The following SLC22A23 variants were observed in gnomAD, a reference collection of about 807,000 sequenced individuals.
SLC22A23 encodes ion transporter protein.
In SLC22A23, 26 loss-of-function variants were observed where a neutral mutation model predicts 61.0. The observed-to-expected ratio is 0.43, with a 90% CI of 0.31 to 0.59. The LOEUF (loss-of-function observed/expected upper bound fraction) is 0.59, where lower values mean the gene tolerates loss of function less well. SLC22A23 is among the 20% of genes least tolerant of loss of function. The probability of loss-of-function intolerance (pLI) is 0.11; values close to 1 mark genes in which losing one functional copy is unlikely to be tolerated. For missense variants in SLC22A23, 796 were observed against 934.7 expected, an observed-to-expected ratio of 0.85 and a Z score of 1.94; for synonymous variants, 430 against 413.9, an observed-to-expected ratio of 1.04 and a Z score of -0.47.
In SLC22A23 at chr6:3,304,433, C is replaced by T. The variant is rs1454375634; in HGVS notation, c.1083-6215G>A. Among the ~76,000 whole-genome samples the T allele has an allele frequency of 6.6e-6, 1 of 152,192 alleles. No individual in the cohort carries two copies. The highest frequency in any genetic ancestry group is 1.9e-4 in the East Asian group (1 of 5,204). On this transcript the variant is annotated intron_variant, in intron 4 of 9. Coordinates refer to ENST00000406686, the MANE Select transcript of SLC22A23 (RefSeq NM_015482.2). The surrounding 1 kb of genome is among the most constrained non-coding windows in gnomAD (Gnocchi z 4.3). ...CATAGAAAAGATTTCAAGGATATTA[C>T]TGTTTACAAAGGCGTGGTGTGACCT...
At chr6:3,355,569 A>G (rs150646957) in intron 3 of SLC22A23, among the ~76,000 whole-genome samples, 1 of 152,174 alleles carries the variant, frequency 6.6e-6, no homozygotes, top group African/African-American at 2.4e-5. Context: ...GGCCAAGGTC[A>G]TAACAAGGTT....
intron 1 of SLC22A23, among the ~76,000 whole-genome samples, chr6:3,436,014 A>G (rs1026049817): frequency 1.3e-5 from 2 of 152,100 alleles, no homozygotes; most frequent in Non-Finnish European, 2.9e-5. Context: ...AACAGAATAC[A>G]TTTCTGTGGT....
chr6:3,325,894 T>A (rs140582212), intron 3 of SLC22A23, among the ~76,000 whole-genome samples: 1 of 152,378 alleles, frequency 6.6e-6, no homozygotes, highest in East Asian at 1.9e-4. Context: ...GGAAACAGCA[T>A]GATGGCGTCG....
rs774778214 is a variant in SLC22A23 at position 3,273,066 on chromosome 6, T to C, written c.2050A>G (p.Lys684Glu). The change falls in exon 10 of 10, where the codon AAG becomes GAG. Residue 684 changes from lysine (K) to glutamate (E), a missense_variant. By Grantham distance (56) the Lys-to-Glu change is moderately conservative. Coordinates refer to ENST00000406686, the MANE Select transcript of SLC22A23 (RefSeq NM_015482.2). ...LPEGATANGMKAM is the reference protein window; with the variant it reads ...LPEGATANGMEAM Reference sequence around the variant, plus strand: ...TTCCGCAGGCCGGGCTACATGGCCTTCATGCCGTTGGCCGTGGCACCCTCG... The same window carrying C: ...TTCCGCAGGCCGGGCTACATGGCCTCCATGCCGTTGGCCGTGGCACCCTCG... 2 of 1,564,584 alleles carry C rather than the reference T, an allele frequency of 1.3e-6. No individual in the cohort carries two copies. The highest frequency in any genetic ancestry group is 1.7e-6 in the Non-Finnish European group (2 of 1,156,686).
At chr6:3,430,091 T>G (rs1204768260) in intron 1 of SLC22A23, among the ~76,000 whole-genome samples, 2 of 152,222 alleles carry the variant, frequency 1.3e-5, no homozygotes, top group African/African-American at 4.8e-5. Flanking sequence ...AAAGAAAGTG[T>G]TATCTTCAGG....
At chr6:3,411,627 A>C (rs943791190) in intron 2 of SLC22A23, among the ~76,000 whole-genome samples, 8 of 135,900 alleles carry the variant, frequency 5.9e-5, no homozygotes, top group Middle Eastern at 7.3e-3. Flanking sequence ...TGTCAATAAA[A>C]CTTCAAAAAA....
At chr6:3,432,504 C>T (rs974361845) in intron 1 of SLC22A23, among the ~76,000 whole-genome samples, 11 of 152,198 alleles carry the variant, frequency 7.2e-5, no homozygotes, top group African/African-American at 2.4e-4. Context: ...TCTAGCTCTC[C>T]GCTTTGGCTC....
intron 3 of SLC22A23, among the ~76,000 whole-genome samples, chr6:3,374,854 C>A (rs1414892935): frequency 6.6e-6 from 1 of 152,204 alleles, no homozygotes; most frequent in Non-Finnish European, 1.5e-5. Context: ...AGAGAACCAT[C>A]TCTGACATTC....
chr6:3,284,221 A>G lies in SLC22A23; in HGVS notation c.1580-246T>C, dbSNP rs1581603080. 2.0e-5 allele frequency: 8 copies of G among 394,000 alleles called. No homozygotes were observed. In the East Asian group the frequency reaches 3.4e-4, roughly 17 times the overall value. 24.4% of individuals were successfully genotyped at this position (394,000 alleles called of 1,614,324 possible). ...CATGCTGAAGCTCATGGTGGCCTCT[A>G]TTGGAATTCCTCAGCCGGGAGCCAT... On this transcript the variant is annotated intron_variant, in intron 8 of 9. Transcript: ENST00000406686.
Position 3,323,988 on chromosome 6 carries a change from G to T in SLC22A23, c.928C>A (p.Pro310Thr), listed in dbSNP as rs757342253. Residue 310 changes from proline to threonine, a missense_variant, in exon 4 of 10, where the codon CCC becomes ACC. By Grantham distance (38) the Pro-to-Thr change is conservative (BLOSUM62 -1). Coordinates refer to ENST00000406686, the MANE Select transcript of SLC22A23 (RefSeq NM_015482.2). ...GTAATCATGAACCGTTTTCCAGGGGGGCACAGCTCTATTCCTAGAACACAG... is the reference window on the plus strand; with the variant it reads ...GTAATCATGAACCGTTTTCCAGGGGTGCACAGCTCTATTCCTAGAACACAG... ...TLYALRIELC[P>T]PGKRFMITMV... 6.2e-7 allele frequency: 1 copy of T among 1,614,148 alleles called. No homozygotes were observed.
chr6:3,375,552 A>G (rs2127468189), intron 3 of SLC22A23, among the ~76,000 whole-genome samples: 1 of 152,356 alleles, frequency 6.6e-6, no homozygotes, highest in East Asian at 1.9e-4. Flanking sequence ...GGGCAGGGAT[A>G]TGAGTTCTGG....
intron 1 of SLC22A23, chr6:3,438,455 A>G (rs1193574557): frequency 2.2e-6 from 1 of 454,302 alleles, no homozygotes; most frequent in Non-Finnish European, 4.4e-6. Context: ...AGCCTGATCT[A>G]TTACTCAGCA....
At chr6:3,404,911 G>C (rs1768692951) in intron 3 of SLC22A23, among the ~76,000 whole-genome samples, 1 of 151,628 alleles carries the variant, frequency 6.6e-6, no homozygotes, top group South Asian at 2.1e-4. Flanking sequence ...CGATTTCCCT[G>C]TTGTGCCCAT....
At chr6:3,338,963 C>A (rs1403268064) in intron 3 of SLC22A23, among the ~76,000 whole-genome samples, 1 of 152,142 alleles carries the variant, frequency 6.6e-6, no homozygotes, top group African/African-American at 2.4e-5. Flanking sequence ...GAAGCCCCAA[C>A]GGAGAAAGTA....
At position 3,317,278 on chromosome 6, in the gene SLC22A23, C is replaced by T. The variant is rs931821226; in HGVS notation, c.1082+6556G>A. 5.9e-5 allele frequency among the ~76,000 whole-genome samples: 9 copies of T among 152,218 alleles called. No homozygotes were observed. The highest frequency in any genetic ancestry group is 7.3e-5 in the Non-Finnish European group (5 of 68,038). Reference sequence around the variant, plus strand: ...CCAGGCTGTGTCTTGCACAAGGGCTCCCAGCTGAGGAAGGAGCTCTGTCAT... The same window carrying T: ...CCAGGCTGTGTCTTGCACAAGGGCTTCCAGCTGAGGAAGGAGCTCTGTCAT... On this transcript the variant is annotated intron_variant, in intron 4 of 9. Coordinates refer to ENST00000406686, the MANE Select transcript of SLC22A23 (RefSeq NM_015482.2). The surrounding 1 kb of genome is among the most constrained non-coding windows in gnomAD (Gnocchi z 4.4).
At chr6:3,435,209 G>T (rs2127543808) in intron 1 of SLC22A23, among the ~76,000 whole-genome samples, 1 of 152,152 alleles carries the variant, frequency 6.6e-6, no homozygotes, top group South Asian at 2.1e-4. Flanking sequence ...AACTTCTCAG[G>T]GGGCTGTCAG....
chr6:3,333,468 C>T lies in SLC22A23; in HGVS notation c.914-9466G>A, dbSNP rs1401729197. Among the ~76,000 whole-genome samples the T allele has an allele frequency of 1.3e-5, 2 of 152,096 alleles. No individual in the cohort carries two copies. Among genetic ancestry groups the T allele is most frequent in the Non-Finnish European group, 2.9e-5 (2 of 68,026 alleles). ...AGACCACATCACCTGCCCCTCCCCG[C>T]CCCATCGCTCCACTTCAGCCACACT... On this transcript the variant is annotated intron_variant, in intron 3 of 9. Transcript: ENST00000406686. This position sits in a 1 kb window ranked among gnomAD's most constrained non-coding sequence, Gnocchi z 4.1.
chr6:3,379,373 T>C (rs571915981), intron 3 of SLC22A23, among the ~76,000 whole-genome samples: 1 of 152,292 alleles, frequency 6.6e-6, no homozygotes, highest in Admixed American at 6.5e-5. Flanking sequence ...CACCTAATGC[T>C]CCCTGATAAA....
chr6:3,380,998 C>A (rs1039898509), intron 3 of SLC22A23, among the ~76,000 whole-genome samples: 1 of 152,182 alleles, frequency 6.6e-6, no homozygotes, highest in Non-Finnish European at 1.5e-5. Flanking sequence ...ATCTGCCTAA[C>A]CTCATGGGCA....
Sources: gnomAD v4.1 joint callset for allele counts (sites outside exome capture counted in the v4.1 genomes callset) on GRCh38, gnomAD v4.1.1 for gene constraint, Gnocchi (gnomAD v3.1) non-coding constraint, MANE v1.5 for transcripts, NCBI Gene and HGNC (gene_info 2026-07-23, HGNC 2026-07-21) for gene names.